The following VAV3 variants were observed in gnomAD, a reference collection of about 807,000 sequenced individuals.
The protein encoded by VAV3 is vav guanine nucleotide exchange factor 3, also known as guanine nucleotide exchange factor VAV3.
VAV3 carries 94 observed loss-of-function variants against 131.2 expected under a neutral mutation model. That is an observed-to-expected ratio of 0.72 (90% CI 0.61 to 0.85). VAV3 has a LOEUF of 0.85. VAV3 is among the 40% of genes least tolerant of loss of function. The probability of loss-of-function intolerance (pLI) is 0.00; values close to 1 mark genes in which losing one functional copy is unlikely to be tolerated. For synonymous variants in VAV3, 349 were observed against 342.0 expected, an observed-to-expected ratio of 1.02 and a Z score of -0.22; for missense variants, 939 against 1,002.7, an observed-to-expected ratio of 0.94 and a Z score of 0.86.
chr1:107,592,056 C>T (rs1173397679), intron 25 of VAV3, among the ~76,000 whole-genome samples: 1 of 148,700 alleles, frequency 6.7e-6, no homozygotes, highest in Non-Finnish European at 1.5e-5. Flanking sequence ...TATATACATA[C>T]GTGTGTGTGT....
chr1:107,627,872 A>C (rs1478227317), intron 20 of VAV3, among the ~76,000 whole-genome samples: 11 of 152,214 alleles, frequency 7.2e-5, no homozygotes, highest in Non-Finnish European at 1.5e-5. Flanking sequence ...CACCTTATGG[A>C]GATCACAACT....
At chr1:107,788,959 C>T (rs1181455518) in intron 2 of VAV3, among the ~76,000 whole-genome samples, 2 of 152,194 alleles carry the variant, frequency 1.3e-5, no homozygotes, top group African/African-American at 4.8e-5. Context: ...CAATTAGTCA[C>T]TGAACCATTA....
At chr1:107,753,549 T>TATATATATATATACACACAC (rs771773884) in intron 12 of VAV3, among the ~76,000 whole-genome samples, 20 of 81,986 alleles carry the variant, frequency 2.4e-4, no homozygotes, top group East Asian at 1.9e-3. Context: ...TATATATATA[T>TATATATATATATACACACAC]ACACACACAC....
intron 17 of VAV3, among the ~76,000 whole-genome samples, chr1:107,692,623 A>G (rs1659496141): frequency 6.6e-6 from 1 of 152,158 alleles, no homozygotes; most frequent in Non-Finnish European, 1.5e-5. Flanking sequence ...TTTATAAAGG[A>G]GCCCGGTTCA....
At chr1:107,924,309 A>T (rs1673048555) in intron 1 of VAV3, among the ~76,000 whole-genome samples, 2 of 152,168 alleles carry the variant, frequency 1.3e-5, no homozygotes, top group South Asian at 2.1e-4. Flanking sequence ...AATTGTTATA[A>T]ATTGTTTCCA....
chr1:107,661,093 T>A (rs1282200582), intron 19 of VAV3, among the ~76,000 whole-genome samples: 1 of 152,170 alleles, frequency 6.6e-6, no homozygotes, highest in Non-Finnish European at 1.5e-5. Flanking sequence ...TTTCATCTGA[T>A]GTGTAAAATT....
At chr1:107,722,640 G>T (rs1661567577) in intron 15 of VAV3, among the ~76,000 whole-genome samples, 2 of 152,118 alleles carry the variant, frequency 1.3e-5, no homozygotes, top group Non-Finnish European at 2.9e-5. Context: ...TTGAAGGGTT[G>T]TTTTCTGAGT....
At chr1:107,694,228 C>G (rs984472918) in intron 17 of VAV3, among the ~76,000 whole-genome samples, 3 of 152,082 alleles carry the variant, frequency 2.0e-5, no homozygotes. Context: ...GGTCAAGGTA[C>G]GGTTAATGAT....
intron 1 of VAV3, among the ~76,000 whole-genome samples, chr1:107,909,043 T>C (rs1034274855): frequency 2.0e-5 from 3 of 152,236 alleles, no homozygotes; most frequent in Non-Finnish European, 2.9e-5. Flanking sequence ...TTTTGATAGA[T>C]TGATGTTCCT....
intron 1 of VAV3, among the ~76,000 whole-genome samples, chr1:107,881,420 A>C (rs568731206): frequency 6.6e-6 from 1 of 152,330 alleles, no homozygotes; most frequent in African/African-American, 2.4e-5. Flanking sequence ...ATGGTAACTT[A>C]GCAAATTGGG....
At chr1:107,626,014 T>C (rs1031170651) in intron 20 of VAV3, among the ~76,000 whole-genome samples, 2 of 151,874 alleles carry the variant, frequency 1.3e-5, no homozygotes, top group Admixed American at 1.3e-4. Context: ...TCCCTTACCC[T>C]GCAGGAAAAA....
chr1:107,869,177 T>C (rs1670138848), intron 2 of VAV3, among the ~76,000 whole-genome samples: 1 of 152,136 alleles, frequency 6.6e-6, no homozygotes, highest in East Asian at 1.9e-4. Context: ...TGGGATATAA[T>C]TGATGAAACC....
At chr1:107,823,787 A>G (rs1667899549) in intron 2 of VAV3, among the ~76,000 whole-genome samples, 2 of 152,180 alleles carry the variant, frequency 1.3e-5, no homozygotes, top group African/African-American at 4.8e-5. Flanking sequence ...TAGTGTCCTT[A>G]TAAGAAGAGA....
chr1:107,686,372 A>C (rs918117616), intron 18 of VAV3, among the ~76,000 whole-genome samples: 7 of 152,136 alleles, frequency 4.6e-5, no homozygotes, highest in African/African-American at 1.7e-4. Flanking sequence ...AGGCCTATAA[A>C]CTGGTACATG....
chr1:107,579,469 A>G (rs1649881860), intron 25 of VAV3, among the ~76,000 whole-genome samples: 1 of 152,206 alleles, frequency 6.6e-6, no homozygotes, highest in African/African-American at 2.4e-5. Flanking sequence ...TCTGTGAACT[A>G]GCCTTGCAAA....
chr1:107,846,485 G>A (rs1053745359), intron 2 of VAV3, among the ~76,000 whole-genome samples: 17 of 152,128 alleles, frequency 1.1e-4, no homozygotes, highest in Non-Finnish European at 2.2e-4. Context: ...TGGATAAAGA[G>A]TCAAGACCCA....
chr1:107,832,383 G>T (rs552743663), intron 2 of VAV3, among the ~76,000 whole-genome samples: 2 of 152,314 alleles, frequency 1.3e-5, no homozygotes, highest in East Asian at 3.9e-4. Flanking sequence ...ACAATGATAA[G>T]AACAGGAAGA....
chr1:107,899,972 C>G (rs187584424), intron 1 of VAV3, among the ~76,000 whole-genome samples: 1 of 152,244 alleles, frequency 6.6e-6, no homozygotes, highest in African/African-American at 2.4e-5. Context: ...TATTCTTTCT[C>G]CATAAAATTC....
intron 2 of VAV3, among the ~76,000 whole-genome samples, chr1:107,848,977 T>G (rs1235456517): frequency 1.3e-5 from 2 of 152,084 alleles, no homozygotes; most frequent in Non-Finnish European, 2.9e-5. Context: ...TCACAATTGC[T>G]ACAAAGAGAA....
Sources: allele counts gnomAD v4.1 joint callset (sites outside exome capture counted in the v4.1 genomes callset), GRCh38; gene constraint gnomAD v4.1.1; transcripts MANE v1.5; gene names NCBI Gene and HGNC (gene_info 2026-07-23, HGNC 2026-07-21).